The following ZNF608 variants were observed in gnomAD, a reference collection of about 807,000 sequenced individuals.
ZNF608 encodes renal carcinoma antigen NY-REN-36.
In ZNF608, 12 loss-of-function variants were observed where a neutral mutation model predicts 109.0. The observed-to-expected ratio is 0.11, with a 90% CI of 0.07 to 0.18. The LOEUF (loss-of-function observed/expected upper bound fraction) is 0.18. Ranked by LOEUF, ZNF608 falls within the 10% of genes least tolerant of loss-of-function variation. ZNF608 has a pLI of 1.00. For missense variants in ZNF608, 1,707 were observed against 1,879.3 expected (o/e 0.91, Z 1.70); for synonymous variants, 732 against 717.4 (o/e 1.02, Z -0.33).
At chr5:124,683,297 C>T (rs976903582) in intron 3 of ZNF608, among the ~76,000 whole-genome samples, 3 of 152,158 alleles carry the variant, frequency 2.0e-5, no homozygotes, top group African/African-American at 7.2e-5. Flanking sequence ...TCCCAGATTC[C>T]TGACCCATGG....
chr5:124,746,155 T>A (rs1173803031), intron 1 of ZNF608, 40 bp downstream of exon 1: 1 of 985,072 alleles, frequency 1.0e-6, no homozygotes, highest in East Asian at 1.1e-4. Flanking sequence ...TAAATAAATA[T>A]ACATACACAC....
intron 3 of ZNF608, among the ~76,000 whole-genome samples, chr5:124,673,774 T>C (rs2149816175): frequency 6.6e-6 from 1 of 152,314 alleles, no homozygotes; most frequent in South Asian, 2.1e-4. Context: ...ATTCCTATTA[T>C]CAAATGCTTA....
chr5:124,668,923 A>AT (rs1751596761), intron 3 of ZNF608, among the ~76,000 whole-genome samples: 1 of 152,154 alleles, frequency 6.6e-6, no homozygotes, highest in East Asian at 1.9e-4. Context: ...CATTCAACCA[A>AT]TTCATTTAAT....
intron 3 of ZNF608, among the ~76,000 whole-genome samples, chr5:124,651,849 C>A (rs574501539): frequency 3.9e-5 from 6 of 152,220 alleles, no homozygotes; most frequent in South Asian, 4.1e-4. Flanking sequence ...AGGGACGCAT[C>A]CCCCACGGCG....
chr5:124,745,264 G>A, intron 1 of ZNF608, 92 bp from the exon 2 acceptor site: 1 of 1,165,532 alleles, frequency 8.6e-7, no homozygotes, highest in Non-Finnish European at 1.1e-6. Context: ...AAAGGGGACA[G>A]GGAAGGATGG....
chr5:124,711,953 T>C (rs1265959916), intron 2 of ZNF608, among the ~76,000 whole-genome samples: 1 of 152,050 alleles, frequency 6.6e-6, no homozygotes, highest in African/African-American at 2.4e-5. Flanking sequence ...GGAAAACAGA[T>C]GAGACAGGGC....
intron 9 of ZNF608, among the ~76,000 whole-genome samples, chr5:124,638,408 C>G (rs1015682490): frequency 6.6e-6 from 1 of 152,222 alleles, no homozygotes; most frequent in South Asian, 2.1e-4. Context: ...AGACGCACAC[C>G]ACCACGCCCA....
rs546050490 is a variant in ZNF608 at position 124,658,116 on chromosome 5, G to A, written c.1163-8419C>T. ...TCCCTACTTTGGGGACAGGCAGGCAGAACAGGTTTCAGGTGATAGTGTTGG... is the reference window on the plus strand; with the variant it reads ...TCCCTACTTTGGGGACAGGCAGGCAAAACAGGTTTCAGGTGATAGTGTTGG... On this transcript the variant is annotated intron_variant, in intron 3 of 9. Transcript: ENST00000513986. Among the ~76,000 whole-genome samples the A allele has an allele frequency of 8.1e-4, 123 of 152,270 alleles. No homozygotes were observed. In the South Asian group the frequency reaches 0.014, roughly 18 times the overall value.
Position 124,661,135 on chromosome 5 carries a change from G to A in ZNF608, c.1163-11438C>T, listed in dbSNP as rs1751240116. On this transcript the variant is annotated intron_variant, in intron 3 of 9. Coordinates refer to ENST00000513986, the MANE Select transcript of ZNF608 (RefSeq NM_020747.3). ...ATTGTTTAAAGCAAACATTTCCTCTGACTACTCAATAGTAAAGGCAACTGA... is the reference window on the plus strand; with the variant it reads ...ATTGTTTAAAGCAAACATTTCCTCTAACTACTCAATAGTAAAGGCAACTGA... Among the ~76,000 whole-genome samples the A allele has an allele frequency of 2.0e-5, 3 of 152,202 alleles. No individual in the cohort carries two copies. The South Asian group carries it at 6.2e-4, about 32-fold the overall frequency.
chr5:124,668,858 G>A (rs1327351859), intron 3 of ZNF608, among the ~76,000 whole-genome samples: 1 of 152,136 alleles, frequency 6.6e-6, no homozygotes, highest in African/African-American at 2.4e-5. Flanking sequence ...CAATACACTA[G>A]GCAATAACCA....
At position 124,649,086 on chromosome 5, in the gene ZNF608, C is replaced by G. The variant is rs1750672003; in HGVS notation, c.1298G>C (p.Gly433Ala). 1 of 1,594,520 alleles carries G rather than the reference C, an allele frequency of 6.3e-7. No individual in the cohort carries two copies. Among genetic ancestry groups the G allele is most frequent in the African/African-American group, 1.4e-5 (1 of 73,626 alleles). ...AGCAGACCTCGCTCTCTTCCCTCTG[C>G]CCCGGCCCCCTCTCATCTCCAGGTC... ...TSDLEMRGGR[G>A]RGKRARSAAA... The change falls in exon 5 of 10, where the codon GGC becomes GCC. Residue 433 changes from glycine (G) to alanine (A), a missense_variant. This residue lies in a region of ZNF608 where 166 missense variants were observed against 204.2 expected (regional missense o/e 0.81). Transcript: ENST00000513986.
chr5:124,739,940 T>C (rs1049609755), intron 2 of ZNF608, among the ~76,000 whole-genome samples: 1 of 152,174 alleles, frequency 6.6e-6, no homozygotes, highest in Non-Finnish European at 1.5e-5. Context: ...TATAAAATGC[T>C]GCTTAGGAAA....
At position 124,643,685 on chromosome 5, in the gene ZNF608, T is replaced by C. The variant is rs1173474353; in HGVS notation, c.4124-2A>G. ...GAAATCCTGGAGAGAGATATGCCCC[T>C]GCAGATAAACAACAAATGCCACATC... On this transcript the variant is annotated splice_acceptor_variant, in intron 6 of 9. Coordinates refer to ENST00000513986, the MANE Select transcript of ZNF608 (RefSeq NM_020747.3). LOFTEE classifies it high-confidence loss of function. 2 of 1,613,850 alleles carry C rather than the reference T, an allele frequency of 1.2e-6. No individual in the cohort carries two copies. The highest frequency in any genetic ancestry group is 2.2e-5 in the East Asian group (1 of 44,872).
intron 2 of ZNF608, among the ~76,000 whole-genome samples, chr5:124,743,854 AAGCAGCAGCAGC>A (rs144751589): frequency 6.6e-6 from 1 of 151,178 alleles, no homozygotes; most frequent in East Asian, 2.0e-4. Flanking sequence ...CTAGCATCAC[AAGCAGCAGCAGC>A]AGCAGCAGCA....
intron 2 of ZNF608, among the ~76,000 whole-genome samples, chr5:124,736,485 G>A (rs76364974): frequency 0.031 from 4,693 of 152,314 alleles, 196 homozygotes; most frequent in East Asian, 0.17. Context: ...CTGATGATGT[G>A]TGAGGTGAAT....
chr5:124,692,205 A>C (rs1752654262), intron 3 of ZNF608, among the ~76,000 whole-genome samples: 1 of 152,268 alleles, frequency 6.6e-6, no homozygotes, highest in Non-Finnish European at 1.5e-5. Flanking sequence ...GATTTTTAAA[A>C]ATCAGTGACA....
rs1753038224 is a variant in ZNF608 at position 124,701,201 on chromosome 5, T to G, written c.975A>C (p.Leu325=). The G allele has an allele frequency of 6.2e-7, 1 of 1,613,756 alleles. No homozygotes were observed. The highest frequency in any genetic ancestry group is 1.3e-5 in the African/African-American group (1 of 74,798). The stretch of plus-strand genomic sequence containing the variant: ...ATGAAGATGGGGAAAAGTAGGAGGG[T>G]AGAATCTGAGGCGTGAGACTGCTGG... ...PISSSLTPQI[L]PSYFSPSSSN... Residue 325 remains leucine, a synonymous_variant, in exon 3 of 10, where the codon CTA becomes CTC. Transcript: ENST00000513986.
intron 3 of ZNF608, among the ~76,000 whole-genome samples, chr5:124,664,769 G>C (rs1751408671): frequency 6.6e-6 from 1 of 152,176 alleles, no homozygotes; most frequent in Non-Finnish European, 1.5e-5. Flanking sequence ...ATAACACAGT[G>C]TCATGAAGGA....
Position 124,725,027 on chromosome 5 carries a change from C to T in ZNF608, c.906+19057G>A, listed in dbSNP as rs149594958. Among the ~76,000 whole-genome samples, 11 of 152,210 alleles carry T rather than the reference C, an allele frequency of 7.2e-5. No individual in the cohort carries two copies. The East Asian group carries it at 2.1e-3, about 30-fold the overall frequency. Reference sequence around the variant, plus strand: ...ATTTCATCTTCTGGAACTCTCCTCTCTCCCTCATCCAGCTTCAGTCACTCT... The same window carrying T: ...ATTTCATCTTCTGGAACTCTCCTCTTTCCCTCATCCAGCTTCAGTCACTCT... On this transcript the variant is annotated intron_variant, in intron 2 of 9. Transcript: ENST00000513986.
Sources: allele counts gnomAD v4.1 joint callset (sites outside exome capture counted in the v4.1 genomes callset), GRCh38; gene constraint gnomAD v4.1.1; regional missense constraint gnomAD v4.1.1; transcripts MANE v1.5; gene names NCBI Gene and HGNC (gene_info 2026-07-23, HGNC 2026-07-21).